The following WWOX variants were observed in gnomAD, a reference collection of about 807,000 sequenced individuals.
The protein encoded by WWOX is WW domain-containing oxidoreductase.
A neutral mutation model predicts 46.2 loss-of-function variants in WWOX; 69 were observed. The observed-to-expected ratio is 1.49, with a 90% CI of 1.23 to 1.82. The LOEUF is 1.82. WWOX is among the 40% of genes most tolerant of loss of function. WWOX has a pLI of 0.00. For synonymous variants in WWOX, 359 were observed against 202.6 expected (o/e 1.77, Z -6.56); for missense variants, 919 against 542.6 (o/e 1.69, Z -6.89).
At chr16:78,432,861 A>G in intron 8 of WWOX, 109 bp downstream of exon 8, 2 of 1,535,122 alleles carry the variant, frequency 1.3e-6, no homozygotes, top group Non-Finnish European at 1.8e-6. Flanking sequence ...TCTCAGTAAT[A>G]ACATTGTCCA....
chr16:79,122,020 C>T (rs9940536), intron 8 of WWOX, among the ~76,000 whole-genome samples: 61,874 of 151,856 alleles, frequency 0.41, 13,951 homozygotes, highest in African/African-American at 0.61. Context: ...AAGTTAAGAG[C>T]ATTAATTCCT....
intron 8 of WWOX, among the ~76,000 whole-genome samples, chr16:78,969,469 C>G (rs1171174903): frequency 6.6e-6 from 1 of 151,964 alleles, no homozygotes; most frequent in Non-Finnish European, 1.5e-5. Flanking sequence ...CAGGGTTTCA[C>G]CGTGTTGGCC....
At chr16:78,383,918 A>G (rs190705167) in intron 5 of WWOX, among the ~76,000 whole-genome samples, 8 of 152,124 alleles carry the variant, frequency 5.3e-5, no homozygotes, top group Middle Eastern at 3.4e-3. Context: ...TTAGAGTTAT[A>G]TGTTCTGATT....
At chr16:78,324,265 A>C (rs1419646284) in intron 5 of WWOX, among the ~76,000 whole-genome samples, 2 of 152,062 alleles carry the variant, frequency 1.3e-5, no homozygotes, top group Non-Finnish European at 2.9e-5. Flanking sequence ...TCACAGTTGA[A>C]ATGTAGAAGT....
intron 8 of WWOX, among the ~76,000 whole-genome samples, chr16:78,670,717 G>T (rs1040317894): frequency 2.0e-5 from 3 of 151,908 alleles, no homozygotes; most frequent in Non-Finnish European, 4.4e-5. Flanking sequence ...TTGCCATCTT[G>T]CCCAGGCTAG....
chr16:79,138,526 G>A (rs550256794), intron 8 of WWOX, among the ~76,000 whole-genome samples: 253 of 152,304 alleles, frequency 1.7e-3, no homozygotes, highest in African/African-American at 5.9e-3. Flanking sequence ...AGACAGGTTA[G>A]AGAACATGGG....
intron 8 of WWOX, among the ~76,000 whole-genome samples, chr16:78,562,725 AG>A (rs1448437471): frequency 5.3e-5 from 8 of 152,234 alleles, no homozygotes; most frequent in African/African-American, 1.7e-4. Context: ...CCCTGAATGG[AG>A]GTGAAAGCAT....
chr16:78,401,066 T>C (rs2082401387), intron 6 of WWOX, among the ~76,000 whole-genome samples: 1 of 152,224 alleles, frequency 6.6e-6, no homozygotes, highest in South Asian at 2.1e-4. Context: ...GTGATCCTCC[T>C]GCCCCTGCCT....
chr16:78,421,297 C>A (rs2082923529), intron 6 of WWOX, among the ~76,000 whole-genome samples: 1 of 152,264 alleles, frequency 6.6e-6, no homozygotes, highest in East Asian at 1.9e-4. Context: ...CTGTTCCATG[C>A]CTTTCTCCTA....
intron 5 of WWOX, among the ~76,000 whole-genome samples, chr16:78,384,863 C>T (rs112694614): frequency 9.0e-4 from 137 of 152,164 alleles, no homozygotes; most frequent in African/African-American, 3.1e-3. Context: ...GTGCCAGGTG[C>T]GGTGGCTCAC....
chr16:78,734,076 A>G (rs926804546), intron 8 of WWOX, among the ~76,000 whole-genome samples: 2 of 152,032 alleles, frequency 1.3e-5, no homozygotes, highest in East Asian at 1.9e-4. Context: ...AAAAAACACA[A>G]AAAACTAAAT....
At chr16:78,406,004 G>A (rs1371666042) in intron 6 of WWOX, among the ~76,000 whole-genome samples, 1 of 152,054 alleles carries the variant, frequency 6.6e-6, no homozygotes, top group East Asian at 1.9e-4. Context: ...TTTAACTGGG[G>A]ATCATGTTTC....
intron 8 of WWOX, among the ~76,000 whole-genome samples, chr16:79,168,368 A>G (rs2050635267): frequency 6.6e-6 from 1 of 152,138 alleles, no homozygotes; most frequent in Non-Finnish European, 1.5e-5. Context: ...ATACTTCTGG[A>G]TGTGTTCTAA....
chr16:79,158,485 A>C (rs1597430881), intron 8 of WWOX, among the ~76,000 whole-genome samples: 1 of 142,046 alleles, frequency 7.0e-6, no homozygotes, highest in African/African-American at 3.1e-5. Context: ...ATGGCTTCCC[A>C]CCACACTTAC....
chr16:78,659,195 T>A (rs954830205), intron 8 of WWOX, among the ~76,000 whole-genome samples: 2 of 152,090 alleles, frequency 1.3e-5, no homozygotes, highest in African/African-American at 4.8e-5. Flanking sequence ...CGTGGTATTC[T>A]TATCCTCATT....
At chr16:78,362,136 C>T (rs1171743628) in intron 5 of WWOX, among the ~76,000 whole-genome samples, 4 of 152,088 alleles carry the variant, frequency 2.6e-5, no homozygotes, top group Admixed American at 1.3e-4. Context: ...TGGCCATAGG[C>T]TGGTGAGAAC....
At chr16:79,153,242 A>C (rs1440357842) in intron 8 of WWOX, among the ~76,000 whole-genome samples, 4 of 152,020 alleles carry the variant, frequency 2.6e-5, no homozygotes, top group Non-Finnish European at 4.4e-5. Context: ...TCCAGCACTA[A>C]AGTTTGACCC....
intron 5 of WWOX, among the ~76,000 whole-genome samples, chr16:78,310,881 G>C (rs1030363026): frequency 1.3e-5 from 2 of 152,322 alleles, no homozygotes; most frequent in Middle Eastern, 3.4e-3. Flanking sequence ...CCACCTTCGA[G>C]GGTAGGGGCA....
At chr16:78,433,759 C>T (rs1026476089) in intron 8 of WWOX, among the ~76,000 whole-genome samples, 6 of 147,498 alleles carry the variant, frequency 4.1e-5, no homozygotes, top group African/African-American at 1.5e-4. Context: ...CACCCTTAAC[C>T]TTCGTATTTG....
Sources: allele counts gnomAD v4.1 joint callset (sites outside exome capture counted in the v4.1 genomes callset), GRCh38; gene constraint gnomAD v4.1.1; transcripts MANE v1.5; gene names NCBI Gene and HGNC (gene_info 2026-07-23, HGNC 2026-07-21).